The following NUP133 variants were observed in gnomAD, a reference collection of about 807,000 sequenced individuals.
NUP133 encodes the protein nucleoporin 133.
A neutral mutation model predicts 146.2 loss-of-function variants in NUP133; 66 were observed. That is an observed-to-expected ratio of 0.45 (90% confidence interval 0.37 to 0.55). The LOEUF (loss-of-function observed/expected upper bound fraction) is 0.55, where lower values mean the gene tolerates loss of function less well. Ranked by LOEUF, NUP133 falls within the 20% of genes least tolerant of loss-of-function variation. NUP133 has a pLI of 0.00. For missense variants in NUP133, 1,277 were observed against 1,374.8 expected, an observed-to-expected ratio of 0.93 and a Z score of 1.12; for synonymous variants, 521 against 498.8, an observed-to-expected ratio of 1.04 and a Z score of -0.59.
chr1:229,475,152 G>A lies in NUP133; in HGVS notation c.1851+486C>T, dbSNP rs561561944. Among the ~76,000 whole-genome samples the A allele has an allele frequency of 1.4e-3, 216 of 152,176 alleles. 1 individual carries two copies. The highest frequency in any genetic ancestry group is 7.5e-3 in the South Asian group (36 of 4,822). The stretch of plus-strand genomic sequence containing the variant: ...AAACAAACAAAACCCCAAGCAGGTT[G>A]AAATTCATTCATTTGGCTACGTAAT... On this transcript the variant is annotated intron_variant, in intron 14 of 25. Coordinates refer to ENST00000261396, the MANE Select transcript of NUP133 (RefSeq NM_018230.3).
At chr1:229,497,041 C>T (rs990786888) in intron 6 of NUP133, among the ~76,000 whole-genome samples, 5 of 152,044 alleles carry the variant, frequency 3.3e-5, no homozygotes, top group South Asian at 2.1e-4. Flanking sequence ...TATAGATATT[C>T]GGCTTTTTAA....
intron 21 of NUP133, among the ~76,000 whole-genome samples, chr1:229,455,710 AT>A (rs1018867875): frequency 1.3e-5 from 2 of 152,040 alleles, no homozygotes. Context: ...TATATAGGTA[AT>A]TTTTTTTCAG....
At chr1:229,471,384 T>C (rs1351143875) in intron 14 of NUP133, among the ~76,000 whole-genome samples, 1 of 152,172 alleles carries the variant, frequency 6.6e-6, no homozygotes, top group Non-Finnish European at 1.5e-5. Flanking sequence ...CTCAAAGCAC[T>C]GGAATTACAG....
At chr1:229,464,572 C>A in intron 18 of NUP133, 52 bp downstream of exon 18, 1 of 1,588,138 alleles carries the variant, frequency 6.3e-7, no homozygotes, top group South Asian at 1.1e-5. Context: ...ACTATTCAAC[C>A]CTTTCATCCA....
chr1:229,475,968 C>T (rs1044048610), intron 13 of NUP133, among the ~76,000 whole-genome samples: 2 of 152,002 alleles, frequency 1.3e-5, no homozygotes, highest in African/African-American at 4.8e-5. Context: ...ATTAGCTGAG[C>T]GTGGTGGCGC....
chr1:229,477,030 C>G (rs1345729253), intron 13 of NUP133, among the ~76,000 whole-genome samples: 1 of 151,768 alleles, frequency 6.6e-6, no homozygotes, highest in African/African-American at 2.4e-5. Context: ...GCCAGGAAAG[C>G]TAAGTAAGGC....
intron 24 of NUP133, among the ~76,000 whole-genome samples, chr1:229,447,019 G>A (rs570436148): frequency 2.0e-5 from 3 of 152,124 alleles, no homozygotes; most frequent in African/African-American, 7.2e-5. Flanking sequence ...AGCTACTCGG[G>A]AGGTTGAAGC....
At chr1:229,496,075 T>C (rs1190034732) in intron 6 of NUP133, 28 bp from the exon 7 acceptor site, 1 of 1,522,762 alleles carries the variant, frequency 6.6e-7, no homozygotes, top group South Asian at 1.3e-5. Flanking sequence ...GGAAGTCAAA[T>C]TCACAGATTA....
chr1:229,453,036 T>C (rs1386787589), intron 21 of NUP133, among the ~76,000 whole-genome samples: 2 of 152,142 alleles, frequency 1.3e-5, no homozygotes, highest in Non-Finnish European at 2.9e-5. Flanking sequence ...TTATAGTATA[T>C]AGTTGGCCCT....
At chr1:229,469,609 T>C (rs989466940) in intron 15 of NUP133, among the ~76,000 whole-genome samples, 6 of 152,202 alleles carry the variant, frequency 3.9e-5, no homozygotes, top group Admixed American at 6.5e-5. Context: ...GGGCAGCTAC[T>C]GGAAACACAG....
chr1:229,470,721 T>C lies in NUP133; in HGVS notation c.1935A>G (p.Glu645=), dbSNP rs760075754. Reference sequence around the variant, plus strand: ...TGAGAACAATGGCGGCTGACAGCTTTTCGGCATGCTCACAGAGCAACAGTC... The same window carrying C: ...TGAGAACAATGGCGGCTGACAGCTTCTCGGCATGCTCACAGAGCAACAGTC... ...ATRLLLCEHA[E]KLSAAIVLKN... is the part of the protein sequence containing the mutation. The change falls in exon 15 of 26, where the codon GAA becomes GAG. Residue 645 remains glutamate, a synonymous_variant. Transcript: ENST00000261396. The C allele has an allele frequency of 5.6e-6, 9 of 1,614,094 alleles. No homozygotes were observed. The East Asian group carries it at 1.8e-4, about 32-fold the overall frequency.
chr1:229,487,339 G>A, intron 10 of NUP133, 127 bp downstream of exon 10: 2 of 890,110 alleles, frequency 2.2e-6, no homozygotes, highest in Non-Finnish European at 1.7e-6. Flanking sequence ...TGCTGTAGTT[G>A]TGGTATGAAA....
intron 14 of NUP133, among the ~76,000 whole-genome samples, chr1:229,471,127 CTTTT>C (rs1188715954): frequency 6.6e-6 from 1 of 152,088 alleles, no homozygotes; most frequent in Non-Finnish European, 1.5e-5. Context: ...CTCTTTTCGT[CTTTT>C]TTGAGACAGG....
At chr1:229,448,430 A>T (rs1660362738) in intron 24 of NUP133, among the ~76,000 whole-genome samples, 1 of 151,702 alleles carries the variant, frequency 6.6e-6, no homozygotes, top group South Asian at 2.1e-4. Context: ...CTCTGTCTCA[A>T]AATAAAAAAA....
intron 20 of NUP133, among the ~76,000 whole-genome samples, chr1:229,458,684 A>G (rs891503571): frequency 6.6e-6 from 1 of 151,730 alleles, no homozygotes; most frequent in Admixed American, 6.6e-5. Flanking sequence ...TGTGATTTTA[A>G]TGTGATGTCA....
rs965510359 is a variant in NUP133, at chr1:229,501,928, T to C, written c.405+71A>G. 3.1e-5 allele frequency: 35 copies of C among 1,124,472 alleles called. No individual in the cohort carries two copies. In the Admixed American group the frequency reaches 6.4e-4, roughly 21 times the overall value. The allele number at this position is 1,124,472 out of a possible 1,614,324, so 69.7% of individuals were successfully genotyped here. On this transcript the variant is annotated intron_variant, in intron 3 of 25. Transcript: ENST00000261396. ...GACTATCCTCCAACTGTAAAAAAAT[T>C]AGGGTAAAAATGAAAAGTCAATTGG...
At chr1:229,466,535 T>A in intron 16 of NUP133, 99 bp downstream of exon 16, 1 of 1,295,440 alleles carries the variant, frequency 7.7e-7, no homozygotes, top group South Asian at 1.4e-5. Flanking sequence ...TACAACCTTA[T>A]ACATTATCGG....
intron 9 of NUP133, among the ~76,000 whole-genome samples, 197 bp downstream of exon 9, chr1:229,489,758 C>G (rs1661461368): frequency 6.6e-6 from 1 of 152,212 alleles, no homozygotes; most frequent in Non-Finnish European, 1.5e-5. Context: ...ACAGTCCCAG[C>G]CACTCGGGAG....
At chr1:229,498,395 T>C (rs1339126363) in intron 5 of NUP133, 89 bp from the exon 6 acceptor site, 1 of 836,846 alleles carries the variant, frequency 1.2e-6, no homozygotes, top group Admixed American at 3.0e-5. Flanking sequence ...AAAATCATCG[T>C]AATTGAAATA....
Sources: gnomAD v4.1 joint callset for allele counts (sites outside exome capture counted in the v4.1 genomes callset) on GRCh38, gnomAD v4.1.1 for gene constraint, MANE v1.5 for transcripts, NCBI Gene and HGNC (gene_info 2026-07-23, HGNC 2026-07-21) for gene names.